The following CEP192 variants were observed in gnomAD, a reference collection of about 807,000 sequenced individuals.
CEP192 encodes the protein centrosomal protein 192.
In CEP192, 151 loss-of-function variants were observed where a neutral mutation model predicts 271.8. That is an observed-to-expected ratio of 0.56 (90% CI 0.49 to 0.64). The LOEUF (loss-of-function observed/expected upper bound fraction) is 0.64. Among genes scored for constraint, CEP192 ranks in the 30% least tolerant of loss-of-function variants. The pLI, the probability that CEP192 is intolerant of heterozygous loss-of-function variation, is 0.00. For synonymous variants in CEP192, 995 were observed against 1,076.5 expected, an observed-to-expected ratio of 0.92 and a Z score of 1.48; for missense variants, 2,910 against 3,020.5, an observed-to-expected ratio of 0.96 and a Z score of 0.86.
chr18:13,084,981 A>G (rs111859507), intron 30 of CEP192, among the ~76,000 whole-genome samples: 17,708 of 149,020 alleles, frequency 0.12, 1,204 homozygotes, highest in East Asian at 0.32. Context: ...ACACCCAGCT[A>G]ATTTTTTGGG....
intron 20 of CEP192, 151 bp from the exon 21 acceptor site, chr18:13,058,931 T>C (rs753109983): frequency 1.6e-4 from 102 of 622,894 alleles, no homozygotes; most frequent in Non-Finnish European, 2.7e-4. Flanking sequence ...TCAGAGACCA[T>C]AAATGACAAG....
In CEP192 at chr18:13,124,852, G is replaced by C. The variant is rs2040830904; in HGVS notation, c.*82G>C. The C allele has an allele frequency of 8.8e-7, 1 of 1,135,978 alleles. No homozygotes were observed. The highest frequency in any genetic ancestry group is 1.2e-6 in the Non-Finnish European group (1 of 807,840). The allele number at this position is 1,135,978 out of a possible 1,614,324, so 70.4% of individuals were successfully genotyped here. On this transcript the variant is annotated 3_prime_UTR_variant, in exon 45 of 45. Coordinates refer to ENST00000506447, the MANE Select transcript of CEP192 (RefSeq NM_032142.4). ...CTTTCTACACTACAATTATGCTTTT[G>C]TATATATATTTTGTATGATGGATAT...
Position 13,012,985 on chromosome 18 carries a change from A to G in CEP192, c.479A>G (p.Asp160Gly), listed in dbSNP as rs755711855. The change falls in exon 5 of 45, where the codon GAT (aspartate) becomes GGT (glycine). Residue 160 changes from aspartate (D) to glycine (G), a missense_variant. Coordinates refer to ENST00000506447, the MANE Select transcript of CEP192 (RefSeq NM_032142.4). ...PLEQAQDSPI[D>G]FHLQSWMNNK... The stretch of plus-strand genomic sequence containing the variant: ...TTTTCTTACACAGACTCACCTATTG[A>G]TTTTCATTTACAGTCATGGATGAAT... 2.0e-6 allele frequency: 3 copies of G among 1,515,428 alleles called. No individual in the cohort carries two copies. Among genetic ancestry groups the G allele is most frequent in the Non-Finnish European group, 1.8e-6 (2 of 1,116,884 alleles). 93.9% of individuals were successfully genotyped at this position (1,515,428 alleles called of 1,614,324 possible).
Position 13,049,393 on chromosome 18 carries a change from A to G in CEP192, c.2602A>G (p.Thr868Ala). Reference protein sequence around the residue: ...FRTINSSNSVTNRENNSAVVD... With the variant: ...FRTINSSNSVANRENNSAVVD... The stretch of plus-strand genomic sequence containing the variant: ...AACCATAAACTCCTCAAATTCAGTT[A>G]CAAATAGAGAGAATAACAGTGCAGT... Residue 868 changes from threonine (T) to alanine (A), a missense_variant, in exon 16 of 45, where the codon ACA becomes GCA. Transcript: ENST00000506447. 1 of 1,614,188 alleles carries G rather than the reference A, an allele frequency of 6.2e-7. No homozygotes were observed. The highest frequency in any genetic ancestry group is 8.5e-7 in the Non-Finnish European group (1 of 1,180,012).
rs2040330764 is a variant in CEP192, at chr18:13,114,179, C to T, written c.7217C>T (p.Ser2406Phe). Residue 2406 changes from serine (S) to phenylalanine (F), a missense_variant, in exon 42 of 45, where the codon TCC becomes TTC. Coordinates refer to ENST00000506447, the MANE Select transcript of CEP192 (RefSeq NM_032142.4). ...EPENACLSTD[S>F]LIKIDHLVKP... ...GAAAACGCATGCCTTTCCACGGATT[C>T]CCTCATTAAAATAGATCATTTAGTT... 1 of 1,613,988 alleles carries T rather than the reference C, an allele frequency of 6.2e-7. No individual in the cohort carries two copies. The highest frequency in any genetic ancestry group is 8.5e-7 in the Non-Finnish European group (1 of 1,179,942).
chr18:13,008,399 G>A (rs2034112387), intron 3 of CEP192, 57 bp from the exon 4 acceptor site: 3 of 1,165,278 alleles, frequency 2.6e-6, no homozygotes, highest in Non-Finnish European at 3.6e-6. Context: ...TAAATATTTT[G>A]TAGATTTACC....
At chr18:13,002,400 C>A (rs2033710193) in intron 3 of CEP192, among the ~76,000 whole-genome samples, 1 of 151,952 alleles carries the variant, frequency 6.6e-6, no homozygotes, top group African/African-American at 2.4e-5. Context: ...ATGTTAATGA[C>A]TATACTCAGG....
At chr18:13,003,032 A>G (rs187890294) in intron 3 of CEP192, among the ~76,000 whole-genome samples, 5 of 152,340 alleles carry the variant, frequency 3.3e-5, no homozygotes, top group Admixed American at 3.3e-4. Context: ...GTTAAACAAG[A>G]CACTAAAATA....
At position 13,116,382 on chromosome 18, in the gene CEP192, T is replaced by C; in HGVS notation, c.7295T>C (p.Leu2432Pro). Reference protein sequence around the residue: ...SEASARIPEQLDVTARGVYAP... With the variant: ...SEASARIPEQPDVTARGVYAP... ...TACACCTATTCCCAAAGCAGGCAGC[T>C]TGATGTGACTGCTCGTGGAGTTTAT... The change falls in exon 43 of 45, where the codon CTT becomes CCT. Residue 2432 changes from leucine (L) to proline (P), a missense_variant. Leu to Pro is a moderately conservative substitution (Grantham distance 98). Coordinates refer to ENST00000506447, the MANE Select transcript of CEP192 (RefSeq NM_032142.4). 1 of 1,612,082 alleles carries C rather than the reference T, an allele frequency of 6.2e-7. No homozygotes were observed.
chr18:12,997,695 T>A (rs1312073113), intron 1 of CEP192, among the ~76,000 whole-genome samples: 2 of 152,192 alleles, frequency 1.3e-5, no homozygotes, highest in Non-Finnish European at 2.9e-5. Flanking sequence ...TTCTTTAATT[T>A]CTTTTAACTC....
At chr18:13,112,098 G>A (rs1051055114) in intron 40 of CEP192, among the ~76,000 whole-genome samples, 2 of 152,170 alleles carry the variant, frequency 1.3e-5, no homozygotes, top group Non-Finnish European at 2.9e-5. Context: ...TAGAATTACT[G>A]CATGACCCAG....
chr18:13,001,437 A>G lies in CEP192; in HGVS notation c.165-20A>G. 1 of 1,509,924 alleles carries G rather than the reference A, an allele frequency of 6.6e-7. No homozygotes were observed. Among genetic ancestry groups the G allele is most frequent in the Admixed American group, 2.1e-5 (1 of 47,784 alleles). The allele number at this position is 1,509,924 out of a possible 1,614,324, so 93.5% of individuals were successfully genotyped here. ...GTGTAATTTAATTCTTAACAATTAAAACAAATTTTTTTTGTATAGGTATCC... is the reference window on the plus strand; with the variant it reads ...GTGTAATTTAATTCTTAACAATTAAGACAAATTTTTTTTGTATAGGTATCC... On this transcript the variant is annotated intron_variant, in intron 2 of 44. Transcript: ENST00000506447.
At chr18:13,028,913 T>C (rs2143505779) in intron 9 of CEP192, among the ~76,000 whole-genome samples, 1 of 152,366 alleles carries the variant, frequency 6.6e-6, no homozygotes. Context: ...TATTCGAAAG[T>C]TATCATTTAT....
intron 29 of CEP192, 21 bp from the exon 30 acceptor site, chr18:13,072,988 T>C: frequency 6.3e-7 from 1 of 1,598,292 alleles, no homozygotes; most frequent in African/African-American, 1.3e-5. Context: ...TTTTATGCAT[T>C]TAACTGTTTT....
chr18:13,051,644 C>T (rs983428978), intron 17 of CEP192, among the ~76,000 whole-genome samples: 3 of 152,082 alleles, frequency 2.0e-5, no homozygotes, highest in Non-Finnish European at 4.4e-5. Context: ...CCCAGGTTCA[C>T]GCCATTCTCC....
intron 40 of CEP192, among the ~76,000 whole-genome samples, chr18:13,110,241 A>G (rs923354740): frequency 2.0e-5 from 3 of 152,240 alleles, no homozygotes; most frequent in Non-Finnish European, 4.4e-5. Context: ...TGAAATTTAT[A>G]TAGATATACA....
chr18:13,021,409 A>G lies in CEP192; in HGVS notation c.1050+2203A>G, dbSNP rs548089892. The stretch of plus-strand genomic sequence containing the variant: ...ATTGAATGGTCTTGGCACTTTTGTC[A>G]GAAATCAATTTATCATGTATGTGAG... On this transcript the variant is annotated intron_variant, in intron 9 of 44. Transcript: ENST00000506447. Among the ~76,000 whole-genome samples the G allele has an allele frequency of 1.1e-3, 160 of 152,346 alleles. 1 individual carries two copies. Among genetic ancestry groups the G allele is most frequent in the Middle Eastern group, 6.8e-3 (2 of 294 alleles).
At position 13,105,089 on chromosome 18, in the gene CEP192, G is replaced by A. The variant is rs1159145313; in HGVS notation, c.7047+10G>A. The A allele has an allele frequency of 1.3e-6, 2 of 1,591,908 alleles. No individual in the cohort carries two copies. The highest frequency in any genetic ancestry group is 4.5e-5 in the East Asian group (2 of 44,770). ...CCATGGGATCCAAAAAGTAGGTTTTGATATTTTTTTCCATAGGAACATCAT... is the reference window on the plus strand; with the variant it reads ...CCATGGGATCCAAAAAGTAGGTTTTAATATTTTTTTCCATAGGAACATCAT... On this transcript the variant is annotated intron_variant, in intron 40 of 44. Coordinates refer to ENST00000506447, the MANE Select transcript of CEP192 (RefSeq NM_032142.4).
chr18:13,117,699 T>C, intron 44 of CEP192, 56 bp downstream of exon 44: 1 of 1,368,116 alleles, frequency 7.3e-7, no homozygotes, highest in Admixed American at 1.7e-5. Context: ...TTTCGTCTCT[T>C]GGGAGTTGGG....
Sources: allele counts gnomAD v4.1 joint callset (sites outside exome capture counted in the v4.1 genomes callset), GRCh38; gene constraint gnomAD v4.1.1; transcripts MANE v1.5; gene names NCBI Gene and HGNC (gene_info 2026-07-23, HGNC 2026-07-21).